OTOG: variants seen among roughly 807,000 people sequenced by gnomAD.
OTOG encodes the protein otogelin.
Under a neutral mutation model 313.8 loss-of-function variants are expected in OTOG, and 296 were observed. The ratio of observed to expected loss-of-function variants is 0.94; its 90% CI spans 0.86 to 1.04. The LOEUF is 1.04. Among genes scored for constraint, OTOG ranks in the 50% least tolerant of loss-of-function variants. The pLI, the probability that OTOG is intolerant of heterozygous loss-of-function variation, is 0.00. For synonymous variants in OTOG, 1,533 were observed against 1,554.9 expected, an observed-to-expected ratio of 0.99 and a Z score of 0.33; for missense variants, 3,948 against 3,840.1, an observed-to-expected ratio of 1.03 and a Z score of -0.74.
At chr11:17,579,088 T>C (rs1219573974) in intron 23 of OTOG, among the ~76,000 whole-genome samples, 1 of 152,196 alleles carries the variant, frequency 6.6e-6, no homozygotes, top group African/African-American at 2.4e-5. Context: ...GTGTGGGCTC[T>C]GTACACCGAC....
intron 15 of OTOG, among the ~76,000 whole-genome samples, chr11:17,564,267 A>G (rs1298366910): frequency 6.6e-6 from 1 of 152,122 alleles, no homozygotes; most frequent in African/African-American, 2.4e-5. Flanking sequence ...GTGTCCTCAG[A>G]CAGCTTCCAT....
chr11:17,627,295 T>C (rs1402526532), intron 39 of OTOG, among the ~76,000 whole-genome samples: 5 of 145,272 alleles, frequency 3.4e-5, no homozygotes, highest in African/African-American at 1.1e-4. Context: ...ATGTTCCTTT[T>C]ATACTCATTT....
chr11:17,641,580 A>G (rs961888098), intron 51 of OTOG, among the ~76,000 whole-genome samples: 8 of 152,292 alleles, frequency 5.3e-5, no homozygotes, highest in Admixed American at 5.2e-4. Flanking sequence ...TAAGACTCAA[A>G]TGGAGGTCTG....
chr11:17,632,800 C>T (rs1012761553), intron 42 of OTOG, among the ~76,000 whole-genome samples: 2 of 152,136 alleles, frequency 1.3e-5, no homozygotes, highest in African/African-American at 4.8e-5. Context: ...AAATGTGAAC[C>T]TGTCCAGAAA....
intron 8 of OTOG, 130 bp downstream of exon 8, chr11:17,557,453 G>A (rs976892876): frequency 4.7e-6 from 4 of 855,630 alleles, no homozygotes; most frequent in African/African-American, 3.4e-5. Context: ...CCCAATGGAA[G>A]GCCAAGGACC....
chr11:17,553,241 AAGGG>A, intron 5 of OTOG, 30 bp downstream of exon 5: 2 of 1,547,760 alleles, frequency 1.3e-6, no homozygotes, highest in Non-Finnish European at 1.7e-6. Context: ...CACCCCCAGG[AAGGG>A]ACCTGGGTGC....
intron 39 of OTOG, among the ~76,000 whole-genome samples, chr11:17,626,496 A>G (rs897395449): frequency 3.9e-5 from 6 of 152,226 alleles, no homozygotes; most frequent in Non-Finnish European, 7.3e-5. Context: ...TTTTTACGCC[A>G]GTACCATGCT....
chr11:17,586,080 G>A (rs1852787207), intron 23 of OTOG, among the ~76,000 whole-genome samples: 1 of 152,164 alleles, frequency 6.6e-6, no homozygotes, highest in South Asian at 2.1e-4. Flanking sequence ...CAGCACTGCT[G>A]CTTTGGGGCC....
At chr11:17,569,707 G>A (rs1280644157) in intron 16 of OTOG, among the ~76,000 whole-genome samples, 1 of 152,218 alleles carries the variant, frequency 6.6e-6, no homozygotes, top group Non-Finnish European at 1.5e-5. Flanking sequence ...AGGGGCTCAA[G>A]GTTGGGAGGA....
At chr11:17,618,783 T>A (rs1244485676) in intron 39 of OTOG, among the ~76,000 whole-genome samples, 29 of 152,348 alleles carry the variant, frequency 1.9e-4, no homozygotes, top group Non-Finnish European at 1.5e-5. Context: ...GAATTAACTC[T>A]TTTATTCTTA....
chr11:17,560,031 C>G (rs1372828906), intron 12 of OTOG, among the ~76,000 whole-genome samples: 1 of 152,196 alleles, frequency 6.6e-6, no homozygotes, highest in Non-Finnish European at 1.5e-5. Flanking sequence ...TTCATCAGGA[C>G]ATTTGATTTC....
intron 6 of OTOG, among the ~76,000 whole-genome samples, chr11:17,553,950 CT>C (rs1852000577): frequency 6.6e-6 from 1 of 152,186 alleles, no homozygotes; most frequent in African/African-American, 2.4e-5. Flanking sequence ...TCCTGAAAAC[CT>C]AATCCTGTTT....
At chr11:17,588,411 C>G (rs1852854743) in intron 24 of OTOG, among the ~76,000 whole-genome samples, 1 of 152,134 alleles carries the variant, frequency 6.6e-6, no homozygotes, top group African/African-American at 2.4e-5. Flanking sequence ...GCTCTGTGTT[C>G]CGTGTCACCA....
Position 17,553,164 on chromosome 11 carries a change from T to G in OTOG, c.338T>G (p.Phe113Cys), listed in dbSNP as rs563426914. The G allele has an allele frequency of 6.4e-7, 1 of 1,550,526 alleles. No individual in the cohort carries two copies. Among genetic ancestry groups the G allele is most frequent in the South Asian group, 1.2e-5 (1 of 84,064 alleles). ...FNGGECVHPA[F>C]CDCRRFNATG... The stretch of plus-strand genomic sequence containing the variant: ...GGAGGCGAGTGTGTGCACCCAGCCT[T>G]CTGTGACTGCAGACGCTTCAATGCC... Residue 113 changes from phenylalanine (F) to cysteine (C), a missense_variant, in exon 5 of 56, where the codon TTC (phenylalanine) becomes TGC (cysteine). Coordinates refer to ENST00000399397, the MANE Select transcript of OTOG (RefSeq NM_001292063.2).
At chr11:17,604,956 A>G (rs1356845723) in intron 32 of OTOG, among the ~76,000 whole-genome samples, 2 of 152,238 alleles carry the variant, frequency 1.3e-5, no homozygotes, top group Admixed American at 6.5e-5. Flanking sequence ...CAGGGACACT[A>G]TCGTCCCTCC....
chr11:17,624,447 A>G (rs1853936218), intron 39 of OTOG, among the ~76,000 whole-genome samples: 2 of 152,170 alleles, frequency 1.3e-5, no homozygotes, highest in Non-Finnish European at 2.9e-5. Context: ...GACTTTGTAG[A>G]AGATCAGACA....
intron 28 of OTOG, among the ~76,000 whole-genome samples, chr11:17,594,951 AAGG>A (rs1453943279): frequency 1.3e-5 from 2 of 152,176 alleles, no homozygotes; most frequent in Non-Finnish European, 2.9e-5. Context: ...GCTCAGCTGG[AAGG>A]AGGACTGTGA....
chr11:17,638,160 C>T (rs1160894262), intron 47 of OTOG, among the ~76,000 whole-genome samples: 1 of 152,210 alleles, frequency 6.6e-6, no homozygotes, highest in Non-Finnish European at 1.5e-5. Context: ...ATGGCTGGCT[C>T]TCCCTGGACC....
intron 3 of OTOG, among the ~76,000 whole-genome samples, chr11:17,551,666 G>C (rs899410373): frequency 6.6e-6 from 1 of 152,270 alleles, no homozygotes; most frequent in African/African-American, 2.4e-5. Flanking sequence ...GGACATAAGG[G>C]TTTACTGGGA....
Sources: gnomAD v4.1 joint callset for allele counts (sites outside exome capture counted in the v4.1 genomes callset) on GRCh38, gnomAD v4.1.1 for gene constraint, MANE v1.5 for transcripts, NCBI Gene and HGNC (gene_info 2026-07-23, HGNC 2026-07-21) for gene names.